The following SEMA6D variants were observed in gnomAD, a reference collection of about 807,000 sequenced individuals.
SEMA6D encodes semaphorin 6D.
A neutral mutation model predicts 106.6 loss-of-function variants in SEMA6D; 35 were observed. That is an observed-to-expected ratio of 0.33 (90% confidence interval 0.25 to 0.44). The LOEUF is 0.44. SEMA6D is among the 20% of genes least tolerant of loss of function. The pLI, the probability that SEMA6D is intolerant of heterozygous loss-of-function variation, is 1.00. For synonymous variants in SEMA6D, 499 were observed against 487.7 expected (o/e 1.02, Z -0.31); for missense variants, 1,185 against 1,345.9 (o/e 0.88, Z 1.87).
chr15:47,320,096 G>A (rs145332484), intron 1 of SEMA6D, among the ~76,000 whole-genome samples: 10 of 152,180 alleles, frequency 6.6e-5, no homozygotes, highest in African/African-American at 2.2e-4. Context: ...TTTGTTGTTA[G>A]GACAGAGTGG....
chr15:47,519,621 G>A lies in SEMA6D; in HGVS notation c.-87+49076G>A, dbSNP rs561227894. On this transcript the variant is annotated intron_variant, in intron 3 of 19. Coordinates refer to the SEMA6D transcript ENST00000558014. ...AAAGTGCCATTTACAAAACTCAGGC[G>A]CACCTACTTGCCCAGGGATGTAGCT... Among the ~76,000 whole-genome samples, 12 of 152,234 alleles carry A rather than the reference G, an allele frequency of 7.9e-5. No individual in the cohort carries two copies. The South Asian group carries it at 2.1e-3, about 26-fold the overall frequency.
chr15:47,199,687 C>A (rs1894593355), intron 1 of SEMA6D, among the ~76,000 whole-genome samples: 1 of 152,088 alleles, frequency 6.6e-6, no homozygotes. Flanking sequence ...TAAAACACTC[C>A]TCAAACCTTC....
intron 1 of SEMA6D, among the ~76,000 whole-genome samples, chr15:47,187,690 T>C (rs537959719): frequency 6.6e-6 from 1 of 152,290 alleles, no homozygotes; most frequent in South Asian, 2.1e-4. Context: ...TTAATTGCCT[T>C]TTAAATTAAT....
At chr15:47,495,092 C>G (rs1403911015) in intron 3 of SEMA6D, among the ~76,000 whole-genome samples, 1 of 151,622 alleles carries the variant, frequency 6.6e-6, no homozygotes, top group Non-Finnish European at 1.5e-5. Context: ...CCATGAGGGA[C>G]TAAGTTTCTG....
chr15:47,557,881 G>T (rs2045961050), intron 3 of SEMA6D, among the ~76,000 whole-genome samples: 1 of 152,092 alleles, frequency 6.6e-6, no homozygotes, highest in African/African-American at 2.4e-5. Context: ...TGTACTGTTG[G>T]TGGCAAAAGG....
At chr15:47,322,195 C>T (rs1214262289) in intron 1 of SEMA6D, among the ~76,000 whole-genome samples, 1 of 151,942 alleles carries the variant, frequency 6.6e-6, no homozygotes, top group Non-Finnish European at 1.5e-5. Context: ...ATATACTCTT[C>T]ACTCATTTTC....
chr15:47,529,496 C>T (rs1246963978), intron 3 of SEMA6D, among the ~76,000 whole-genome samples: 2 of 151,580 alleles, frequency 1.3e-5, no homozygotes, highest in Admixed American at 1.3e-4. Flanking sequence ...GGGAGGCTTC[C>T]ACACAGGCTG....
At chr15:47,371,437 T>C (rs1169291119) in intron 1 of SEMA6D, among the ~76,000 whole-genome samples, 1 of 152,230 alleles carries the variant, frequency 6.6e-6, no homozygotes, top group Admixed American at 6.5e-5. Flanking sequence ...ATTACATGTG[T>C]TGATCACTCT....
chr15:47,657,756 T>C (rs1473788171), intron 4 of SEMA6D, among the ~76,000 whole-genome samples: 1 of 110,996 alleles, frequency 9.0e-6, no homozygotes, highest in African/African-American at 3.7e-5. Flanking sequence ...TTTTTTTTTT[T>C]TTTGAGACAG....
At chr15:47,666,318 G>A (rs1050571772) in intron 4 of SEMA6D, among the ~76,000 whole-genome samples, 11 of 152,182 alleles carry the variant, frequency 7.2e-5, no homozygotes, top group Admixed American at 6.5e-4. Flanking sequence ...GTAATGGCAA[G>A]AGCCTTGCCC....
At position 47,764,191 on chromosome 15, in the gene SEMA6D, T is replaced by C; in HGVS notation, c.983T>C (p.Val328Ala). Reference protein sequence around the residue: ...TQLNSIPGSAVCAFSMDDIEK... With the variant: ...TQLNSIPGSAACAFSMDDIEK... Reference sequence around the variant, plus strand: ...CTTTTCAGCATCCCTGGTTCTGCTGTCTGTGCATTTAGCATGGATGACATT... The same window carrying C: ...CTTTTCAGCATCCCTGGTTCTGCTGCCTGTGCATTTAGCATGGATGACATT... The change falls in exon 11 of 19, where the codon GTC (valine) becomes GCC (alanine). Residue 328 changes from valine to alanine, a missense_variant. By Grantham distance (64) the Val-to-Ala change is moderately conservative (BLOSUM62 0). This residue lies in a region of SEMA6D where 291 missense variants were observed against 423.8 expected (regional missense o/e 0.69). Transcript: ENST00000536845. The C allele has an allele frequency of 1.2e-6, 2 of 1,613,734 alleles. No homozygotes were observed. The highest frequency in any genetic ancestry group is 1.1e-5 in the South Asian group (1 of 91,026).
chr15:47,401,026 C>T (rs551574770), intron 1 of SEMA6D, among the ~76,000 whole-genome samples: 3 of 152,302 alleles, frequency 2.0e-5, no homozygotes, highest in African/African-American at 7.2e-5. Flanking sequence ...TTTATACCTT[C>T]GTTTTCCCAT....
intron 3 of SEMA6D, among the ~76,000 whole-genome samples, chr15:47,492,901 G>T (rs2043516206): frequency 6.6e-6 from 1 of 152,220 alleles, no homozygotes; most frequent in South Asian, 2.1e-4. Flanking sequence ...TGTCAAGTAA[G>T]ACTCTTTTGA....
intron 1 of SEMA6D, among the ~76,000 whole-genome samples, chr15:47,254,875 T>TGTGTG (rs375376803): frequency 3.0e-5 from 4 of 134,308 alleles, no homozygotes; most frequent in South Asian, 2.5e-4. Context: ...ACCTGTGGTT[T>TGTGTG]TGTGTGTGTG....
At chr15:47,613,043 C>T (rs1380618342) in intron 4 of SEMA6D, among the ~76,000 whole-genome samples, 10 of 152,062 alleles carry the variant, frequency 6.6e-5, no homozygotes, top group Admixed American at 6.5e-4. Flanking sequence ...CTTTATTTTT[C>T]CATTATTTTT....
chr15:47,580,995 G>C (rs1019364555), intron 3 of SEMA6D, among the ~76,000 whole-genome samples: 1 of 152,114 alleles, frequency 6.6e-6, no homozygotes, highest in African/African-American at 2.4e-5. Context: ...TCTCCATGTT[G>C]TTATGAAACA....
intron 3 of SEMA6D, among the ~76,000 whole-genome samples, chr15:47,562,460 A>G (rs921911629): frequency 6.6e-6 from 1 of 152,068 alleles, no homozygotes; most frequent in African/African-American, 2.4e-5. Context: ...AAAATTAATA[A>G]CTTTTGCATT....
intron 3 of SEMA6D, among the ~76,000 whole-genome samples, chr15:47,568,108 G>A (rs1334508687): frequency 5.9e-5 from 9 of 151,454 alleles, no homozygotes; most frequent in Admixed American, 5.9e-4. Flanking sequence ...ATACACTGCT[G>A]GTGGAGATGT....
chr15:47,299,681 A>G (rs1316334144), intron 1 of SEMA6D, among the ~76,000 whole-genome samples: 1 of 152,212 alleles, frequency 6.6e-6, no homozygotes, highest in Non-Finnish European at 1.5e-5. Context: ...ATGACAAACT[A>G]CCCTGGGTGG....
Sources: gnomAD v4.1 joint callset for allele counts (sites outside exome capture counted in the v4.1 genomes callset) on GRCh38, gnomAD v4.1.1 for gene constraint, gnomAD v4.1.1 regional missense constraint, MANE v1.5 for transcripts, NCBI Gene and HGNC (gene_info 2026-07-23, HGNC 2026-07-21) for gene names.